Variants in CCDC3 observed in about 807,000 individuals in gnomAD.
CCDC3 encodes coiled-coil domain containing 3, also known as coiled-coil domain-containing protein 3.
A neutral mutation model predicts 21.4 loss-of-function variants in CCDC3; 24 were observed. The ratio of observed to expected loss-of-function variants is 1.12; its 90% CI spans 0.81 to 1.58. CCDC3 has a LOEUF of 1.58. Ranked by LOEUF, CCDC3 falls within the 40% of genes most tolerant of loss-of-function variation. The pLI is 0.00. For synonymous variants in CCDC3, 186 were observed against 166.0 expected, an observed-to-expected ratio of 1.12 and a Z score of -0.93; for missense variants, 425 against 360.9, an observed-to-expected ratio of 1.18 and a Z score of -1.44.
At chr10:12,929,371 A>G (rs569529958) in intron 2 of CCDC3, among the ~76,000 whole-genome samples, 1 of 152,138 alleles carries the variant, frequency 6.6e-6, no homozygotes, top group African/African-American at 2.4e-5. Context: ...CACCAAAACA[A>G]GGTGCCAGGG....
chr10:13,085,830 G>A (rs1837096069), intron 3 of CCDC3, among the ~76,000 whole-genome samples: 1 of 152,098 alleles, frequency 6.6e-6, no homozygotes, highest in South Asian at 2.1e-4. Flanking sequence ...AGCTAGGTGT[G>A]GTGGTAGATG....
intron 2 of CCDC3, among the ~76,000 whole-genome samples, chr10:12,978,659 G>C (rs887052200): frequency 1.3e-5 from 2 of 152,034 alleles, no homozygotes; most frequent in African/African-American, 4.8e-5. Flanking sequence ...AAAGAAAGTT[G>C]GACCACACCC....
intron 2 of CCDC3, among the ~76,000 whole-genome samples, chr10:12,971,077 G>A (rs1384982960): frequency 6.6e-6 from 1 of 152,150 alleles, no homozygotes; most frequent in Non-Finnish European, 1.5e-5. Flanking sequence ...AATTTTGAAG[G>A]GAAGAAAAGC....
intron 2 of CCDC3, among the ~76,000 whole-genome samples, chr10:12,945,034 C>A (rs1834893424): frequency 6.6e-6 from 1 of 152,164 alleles, no homozygotes; most frequent in Admixed American, 6.5e-5. Flanking sequence ...ACTTTCCCTC[C>A]CCTATAGCTT....
intron 5 of CCDC3, among the ~76,000 whole-genome samples, chr10:13,042,064 C>A (rs1836464645): frequency 1.3e-5 from 2 of 152,162 alleles, no homozygotes; most frequent in Non-Finnish European, 2.9e-5. Flanking sequence ...AGAAGACTCT[C>A]CAGAAACAAT....
chr10:12,971,401 T>A (rs893934785), intron 2 of CCDC3, among the ~76,000 whole-genome samples: 2 of 152,158 alleles, frequency 1.3e-5, no homozygotes, highest in African/African-American at 4.8e-5. Flanking sequence ...GATCTCTCAC[T>A]CAGAGCACAG....
chr10:12,978,677 A>G (rs960746055), intron 2 of CCDC3, among the ~76,000 whole-genome samples: 1 of 152,118 alleles, frequency 6.6e-6, no homozygotes. Flanking sequence ...CCCAGGGAGC[A>G]AACCTAGTCT....
chr10:13,040,845 C>T (rs825427), intron 5 of CCDC3, among the ~76,000 whole-genome samples: 34,854 of 151,916 alleles, frequency 0.23, 4,256 homozygotes, highest in Middle Eastern at 0.33. Flanking sequence ...GTATTATGTA[C>T]GATGCTGGAG....
intron 2 of CCDC3, among the ~76,000 whole-genome samples, chr10:12,903,078 G>A (rs1834117249): frequency 6.6e-6 from 1 of 152,168 alleles, no homozygotes; most frequent in East Asian, 1.9e-4. Flanking sequence ...GACATCAAAG[G>A]ACTCTAGTAA....
intron 2 of CCDC3, among the ~76,000 whole-genome samples, chr10:12,964,921 T>C (rs1835238919): frequency 6.6e-6 from 1 of 152,196 alleles, no homozygotes; most frequent in Non-Finnish European, 1.5e-5. Flanking sequence ...CTGGAGGAAC[T>C]TGAAAAACAG....
intron 2 of CCDC3, among the ~76,000 whole-genome samples, chr10:12,929,424 T>C (rs1037557628): frequency 6.6e-6 from 1 of 152,140 alleles, no homozygotes; most frequent in Non-Finnish European, 1.5e-5. Flanking sequence ...TGAGGGCCTT[T>C]CACAGAAGCA....
intron 2 of CCDC3, among the ~76,000 whole-genome samples, chr10:12,934,115 C>T (rs1474477426): frequency 6.6e-6 from 1 of 152,154 alleles, no homozygotes; most frequent in Admixed American, 6.5e-5. Context: ...TTCACTACAT[C>T]CCACAAATTG....
At chr10:13,040,605 G>T (rs1360073894) in intron 5 of CCDC3, among the ~76,000 whole-genome samples, 1 of 151,942 alleles carries the variant, frequency 6.6e-6, no homozygotes, top group South Asian at 2.1e-4. Flanking sequence ...CAGGAGAATC[G>T]CTTGAACCTG....
chr10:12,997,937 A>T (rs1835787594), intron 2 of CCDC3, among the ~76,000 whole-genome samples: 1 of 152,162 alleles, frequency 6.6e-6, no homozygotes, highest in South Asian at 2.1e-4. Context: ...ATTGCAGAAA[A>T]ATCTCGTAAT....
intron 2 of CCDC3, among the ~76,000 whole-genome samples, chr10:12,909,497 C>G (rs68104057): frequency 0.083 from 12,659 of 152,242 alleles, 662 homozygotes; most frequent in African/African-American, 0.13. Context: ...ACTGTGTCCC[C>G]CATCAGCTCT....
intron 5 of CCDC3, among the ~76,000 whole-genome samples, chr10:13,039,245 G>A (rs190090793): frequency 2.6e-5 from 4 of 152,096 alleles, no homozygotes; most frequent in Admixed American, 1.3e-4. Flanking sequence ...GTGAAACCCC[G>A]TTTCTACTAA....
intron 2 of CCDC3, among the ~76,000 whole-genome samples, chr10:12,943,844 C>T (rs1304336018): frequency 6.6e-6 from 1 of 152,198 alleles, no homozygotes; most frequent in Admixed American, 6.5e-5. Flanking sequence ...CTCTATTAAA[C>T]CTCTTCTCTT....
chr10:13,075,185 T>C (rs1395459150), intron 3 of CCDC3, among the ~76,000 whole-genome samples: 2 of 152,068 alleles, frequency 1.3e-5, no homozygotes, highest in Non-Finnish European at 2.9e-5. Flanking sequence ...AGCTAGGGAG[T>C]CTTTTCCACT....
chr10:12,986,722 G>A (rs1161656863), intron 2 of CCDC3, among the ~76,000 whole-genome samples: 4 of 150,804 alleles, frequency 2.7e-5, no homozygotes, highest in East Asian at 3.9e-4. Context: ...GCAGTGAGCC[G>A]AGATCGTGCC....
Sources: allele counts gnomAD v4.1 joint callset (sites outside exome capture counted in the v4.1 genomes callset), GRCh38; gene constraint gnomAD v4.1.1; transcripts MANE v1.5; gene names NCBI Gene and HGNC (gene_info 2026-07-23, HGNC 2026-07-21).